Variants in PCDHB11 observed in about 807,000 individuals in gnomAD.
PCDHB11 encodes the protein protocadherin beta-11.
For synonymous variants in PCDHB11, 522 were observed against 442.0 expected (o/e 1.18, Z -2.27); for missense variants, 1,151 against 1,003.4 (o/e 1.15, Z -1.99).
chr5:141,202,223 A>G lies in PCDHB11; in HGVS notation c.*55A>G. On this transcript the variant is annotated 3_prime_UTR_variant, in exon 1 of 1. Transcript: ENST00000354757. ...TTTTTAGTTTTATGTAACCATATCAATATTATTTAGTCTTAAACTAGTTAC... is the reference window on the plus strand; with the variant it reads ...TTTTTAGTTTTATGTAACCATATCAGTATTATTTAGTCTTAAACTAGTTAC... The G allele has an allele frequency of 7.1e-7, 1 of 1,406,330 alleles. No individual in the cohort carries two copies. The highest frequency in any genetic ancestry group is 9.6e-7 in the Non-Finnish European group (1 of 1,040,208). The allele number at this position is 1,406,330 out of a possible 1,614,324, so 87.1% of individuals were successfully genotyped here. A position where few individuals can be genotyped will look rare whatever the true frequency, so the allele number is the denominator to read the frequency against.
At position 141,201,940 on chromosome 5, in the gene PCDHB11, G is replaced by C. The variant is rs1414602680; in HGVS notation, c.2166G>C (p.Val722=). Reference sequence around the variant, plus strand: ...GCAGGAGGAGCAGGGCGGCCTCGGTGGGAAGCTGCTCGGTGCCTAAGGGCC... The same window carrying C: ...GCAGGAGGAGCAGGGCGGCCTCGGTCGGAAGCTGCTCGGTGCCTAAGGGCC... The part of the protein sequence containing the change: ...RLCRRSRAAS[V]GSCSVPKGPF... Residue 722 remains valine, a synonymous_variant, in exon 1 of 1, where the codon GTG becomes GTC. Coordinates refer to ENST00000354757, the MANE Select transcript of PCDHB11 (RefSeq NM_018931.3). The C allele has an allele frequency of 6.2e-7, 1 of 1,613,972 alleles. No homozygotes were observed. Among genetic ancestry groups the C allele is most frequent in the Non-Finnish European group, 8.5e-7 (1 of 1,180,008 alleles).
chr5:141,199,771 A>C lies in PCDHB11; in HGVS notation c.-4A>C. The stretch of plus-strand genomic sequence containing the variant: ...TTCTTCAAGAAGCCTACAAGAAAGG[A>C]ACTATGGAGAACCAAGGGACACGCA... On this transcript the variant is annotated 5_prime_UTR_variant, in exon 1 of 1. Coordinates refer to ENST00000354757, the MANE Select transcript of PCDHB11 (RefSeq NM_018931.3). The C allele has an allele frequency of 6.2e-7, 1 of 1,612,778 alleles. No individual in the cohort carries two copies.
chr5:141,201,657 G>A lies in PCDHB11; in HGVS notation c.1883G>A (p.Arg628Lys). 6.2e-7 allele frequency: 1 copy of A among 1,605,956 alleles called. No homozygotes were observed. Among genetic ancestry groups the A allele is most frequent in the South Asian group, 1.1e-5 (1 of 90,904 alleles). Residue 628 changes from arginine to lysine, a missense_variant, in exon 1 of 1, where the codon AGG becomes AAG. Physicochemically the swap from Arg to Lys is conservative, Grantham distance 26 (BLOSUM62 2). Coordinates refer to ENST00000354757, the MANE Select transcript of PCDHB11 (RefSeq NM_018931.3). ...CACAATGGCGAGGTGCGCACCGCCA[G>A]GCTGCTGAGCGAGCGCGACGCGGCC... is the stretch of plus-strand genomic sequence containing the variant. ...WAHNGEVRTA[R>K]LLSERDAAKH...
chr5:141,202,033 G>A lies in PCDHB11; in HGVS notation c.2259G>A (p.Val753=). Residue 753 remains valine, a synonymous_variant, in exon 1 of 1, where the codon GTG becomes GTA. Transcript: ENST00000354757. ...TTTCCCAGAGCTACCAGTACGAGGTGTGTCTGACGGGAGGTTCCGAGACAA... is the reference window on the plus strand; with the variant it reads ...TTTCCCAGAGCTACCAGTACGAGGTATGTCTGACGGGAGGTTCCGAGACAA... ...GTLSQSYQYE[V]CLTGGSETNE... 1.2e-6 allele frequency: 2 copies of A among 1,614,226 alleles called. No homozygotes were observed. The highest frequency in any genetic ancestry group is 1.7e-6 in the Non-Finnish European group (2 of 1,180,042).
At position 141,202,011 on chromosome 5, in the gene PCDHB11, C is replaced by T. The variant is rs1554285789; in HGVS notation, c.2237C>T (p.Ser746Phe). 7 of 1,614,204 alleles carry T rather than the reference C, an allele frequency of 4.3e-6. No individual in the cohort carries two copies. The highest frequency in any genetic ancestry group is 4.5e-5 in the East Asian group (2 of 44,874). Reference sequence around the variant, plus strand: ...GACGTGAGCGGCACCGGGACCCTTTCCCAGAGCTACCAGTACGAGGTGTGT... The same window carrying T: ...GACGTGAGCGGCACCGGGACCCTTTTCCAGAGCTACCAGTACGAGGTGTGT... Reference protein sequence around the residue: ...LVDVSGTGTLSQSYQYEVCLT... With the variant: ...LVDVSGTGTLFQSYQYEVCLT... The change falls in exon 1 of 1, where the codon TCC (serine) becomes TTC (phenylalanine). Residue 746 changes from serine (S) to phenylalanine (F), a missense_variant. Ser to Phe is a radical substitution (Grantham distance 155). Transcript: ENST00000354757.
At position 141,200,249 on chromosome 5, in the gene PCDHB11, G is replaced by T; in HGVS notation, c.475G>T (p.Asp159Tyr). The T allele has an allele frequency of 1.9e-6, 3 of 1,614,146 alleles. No homozygotes were observed. Among genetic ancestry groups the T allele is most frequent in the Admixed American group, 3.3e-5 (2 of 60,014 alleles). Residue 159 changes from aspartate (D) to tyrosine (Y), a missense_variant, in exon 1 of 1, where the codon GAT (aspartate) becomes TAT (tyrosine). By Grantham distance (160) the Asp-to-Tyr change is radical. Transcript: ENST00000354757. ...GAVFLLESAK[D>Y]LDVGINAVKS... ...TGTGTTCTTACTAGAAAGTGCGAAG[G>T]ATTTAGATGTAGGAATCAATGCTGT...
rs782105398 is a variant in PCDHB11, at chr5:141,200,773, C to G, written c.999C>G (p.Val333=). 1 of 1,614,172 alleles carries G rather than the reference C, an allele frequency of 6.2e-7. No individual in the cohort carries two copies. Among genetic ancestry groups the G allele is most frequent in the Non-Finnish European group, 8.5e-7 (1 of 1,180,032 alleles). The change falls in exon 1 of 1, where the codon GTC becomes GTG. Residue 333 remains valine, a synonymous_variant. Coordinates refer to ENST00000354757, the MANE Select transcript of PCDHB11 (RefSeq NM_018931.3). The part of the protein sequence containing the change: ...DGGGLFGKST[V]IIHVIDVNDN... ...GAGGACTTTTTGGAAAATCTACAGT[C>G]ATAATTCACGTGATAGATGTAAATG...
rs782400280 is a variant in PCDHB11, at chr5:141,200,049, G to C, written c.275G>C (p.Arg92Thr). 1.2e-6 allele frequency: 2 copies of C among 1,614,232 alleles called. No homozygotes were observed. The highest frequency in any genetic ancestry group is 2.7e-5 in the African/African-American group (2 of 75,056). ...TTGCTCTTAAGTGAAACACTAGACA[G>C]GGAGGAGCTCTGCGGTTCCATCGAG... ...GDLLLSETLD[R>T]EELCGSIEPC... is the part of the protein sequence containing the mutation. Residue 92 changes from arginine (R) to threonine (T), a missense_variant, in exon 1 of 1, where the codon AGG becomes ACG. By Grantham distance (71) the Arg-to-Thr change is moderately conservative (BLOSUM62 -1). Transcript: ENST00000354757.
Position 141,200,924 on chromosome 5 carries a change from T to A in PCDHB11, c.1150T>A (p.Ser384Thr), listed in dbSNP as rs1187506095. The change falls in exon 1 of 1, where the codon TCC becomes ACC. Residue 384 changes from serine to threonine, a missense_variant. Transcript: ENST00000354757. Reference sequence around the variant, plus strand: ...TGGGGACAACGGAAGAATTGTTTGTTCCATTCCGGAAGACCTCCCATTCGT... The same window carrying A: ...TGGGGACAACGGAAGAATTGTTTGTACCATTCCGGAAGACCTCCCATTCGT... ...DSGDNGRIVCSIPEDLPFVLK... is the reference protein window; with the variant it reads ...DSGDNGRIVCTIPEDLPFVLK... The A allele has an allele frequency of 6.2e-7, 1 of 1,614,084 alleles. No individual in the cohort carries two copies. Among genetic ancestry groups the A allele is most frequent in the Non-Finnish European group, 8.5e-7 (1 of 1,180,050 alleles).
Position 141,202,321 on chromosome 5 carries a change from A to C in PCDHB11, c.*153A>C. 1.5e-6 allele frequency: 1 copy of C among 660,772 alleles called. No homozygotes were observed. The highest frequency in any genetic ancestry group is 2.4e-6 in the Non-Finnish European group (1 of 421,870). 40.9% of individuals were successfully genotyped at this position (660,772 alleles called of 1,614,324 possible). A position where few individuals can be genotyped will look rare whatever the true frequency, so the allele number is the denominator to read the frequency against. On this transcript the variant is annotated 3_prime_UTR_variant, in exon 1 of 1. Coordinates refer to ENST00000354757, the MANE Select transcript of PCDHB11 (RefSeq NM_018931.3). ...CCCCAATTTTTTTTTTTTTTTTGAG[A>C]CCGAGTCTCATTCTGTCGCCCTGGC... is the stretch of plus-strand genomic sequence containing the variant.
chr5:141,201,390 C>G lies in PCDHB11; in HGVS notation c.1616C>G (p.Pro539Arg). The G allele has an allele frequency of 6.2e-7, 1 of 1,612,416 alleles. No homozygotes were observed. Among genetic ancestry groups the G allele is most frequent in the South Asian group, 1.1e-5 (1 of 90,998 alleles). ...GTGGGCGCCACAGACCGCGGCTCCC[C>G]GGCTTTGAGCAGCGAGGCGCTGGTG... ...FRVGATDRGS[P>R]ALSSEALVRV... The change falls in exon 1 of 1, where the codon CCG becomes CGG. Residue 539 changes from proline (P) to arginine (R), a missense_variant. Pro to Arg is a moderately radical substitution (Grantham distance 103). Coordinates refer to ENST00000354757, the MANE Select transcript of PCDHB11 (RefSeq NM_018931.3).
chr5:141,201,341 GC>G lies in PCDHB11; in HGVS notation c.1570del (p.Leu524CysfsTer18). On this transcript the variant is annotated frameshift_variant, in exon 1 of 1. Transcript: ENST00000354757. LOFTEE classifies it low-confidence loss of function (END_TRUNC). ...CGCCCTCAGGTCGCTGGACTACGAG[GC>G]CCTGCAGGCTTTCGACTTCCGCGTG... ...LFALRSLDYE[A>X]LQAFDFRVGA... 1 of 1,613,384 alleles carries G rather than the reference GC, an allele frequency of 6.2e-7. No individual in the cohort carries two copies. The highest frequency in any genetic ancestry group is 8.5e-7 in the Non-Finnish European group (1 of 1,179,930).
chr5:141,203,073 T>G lies in PCDHB11; in HGVS notation c.*905T>G, dbSNP rs1391014103. On this transcript the variant is annotated 3_prime_UTR_variant, in exon 1 of 1. Transcript: ENST00000354757. ...TCTTATTCTAGAAAACTGACTTTGA[T>G]TTTTCTCTTAGGTTGTTTTGTTTTG... 2.0e-5 allele frequency: 3 copies of G among 152,136 alleles called. No individual in the cohort carries two copies. Among genetic ancestry groups the G allele is most frequent in the Admixed American group, 2.0e-4 (3 of 15,272 alleles). 9.4% of individuals were successfully genotyped at this position (152,136 alleles called of 1,614,324 possible).
chr5:141,200,168 ATCT>A lies in PCDHB11; in HGVS notation c.398_400del (p.Phe133del), dbSNP rs782207284. 2 of 1,614,168 alleles carry A rather than the reference ATCT, an allele frequency of 1.2e-6. No homozygotes were observed. The highest frequency in any genetic ancestry group is 1.7e-6 in the Non-Finnish European group (2 of 1,180,032). On this transcript the variant is annotated inframe_deletion, in exon 1 of 1. Transcript: ENST00000354757. ...CAGGGATATAAATGATCACTCTCCCATCTTCTCGGAAAAACAAATGCTCCTAGA... is the reference window on the plus strand; with the variant it reads ...CAGGGATATAAATGATCACTCTCCCATCTCGGAAAAACAAATGCTCCTAGA...
Position 141,202,745 on chromosome 5 carries a change from G to A in PCDHB11, c.*577G>A, listed in dbSNP as rs1754236437. 6.6e-6 allele frequency: 1 copy of A among 152,028 alleles called. No homozygotes were observed. Among genetic ancestry groups the A allele is most frequent in the Admixed American group, 6.6e-5 (1 of 15,238 alleles). The allele number at this position is 152,028 out of a possible 1,614,324, so 9.4% of individuals were successfully genotyped here. On this transcript the variant is annotated 3_prime_UTR_variant, in exon 1 of 1. Coordinates refer to ENST00000354757, the MANE Select transcript of PCDHB11 (RefSeq NM_018931.3). ...AGCCCACCTCCGCCTCCAAGTAGCTGGGACTACAGGCGTGCGCCACCATGC... is the reference window on the plus strand; with the variant it reads ...AGCCCACCTCCGCCTCCAAGTAGCTAGGACTACAGGCGTGCGCCACCATGC...
Position 141,200,310 on chromosome 5 carries a change from A to G in PCDHB11, c.536A>G (p.His179Arg). 6.2e-7 allele frequency: 1 copy of G among 1,614,170 alleles called. No individual in the cohort carries two copies. ...SYTISPNSHF[H>R]IKMRVIPDNR... The stretch of plus-strand genomic sequence containing the variant: ...ACAATAAGCCCCAACTCTCATTTTC[A>G]CATTAAAATGAGAGTCATTCCAGAC... The change falls in exon 1 of 1, where the codon CAC (histidine) becomes CGC (arginine). Residue 179 changes from histidine (H) to arginine (R), a missense_variant. By Grantham distance (29) the His-to-Arg change is conservative. Coordinates refer to ENST00000354757, the MANE Select transcript of PCDHB11 (RefSeq NM_018931.3).
In PCDHB11 at chr5:141,200,980, G is replaced by A. The variant is rs141874446; in HGVS notation, c.1206G>A (p.Thr402=). The change falls in exon 1 of 1, where the codon ACG becomes ACA. Residue 402 remains threonine (T), a synonymous_variant. Coordinates refer to ENST00000354757, the MANE Select transcript of PCDHB11 (RefSeq NM_018931.3). ...VLKSSVENYY[T]LETERPLDRE... ...AATCTTCAGTTGAGAATTACTACAC[G>A]TTGGAAACAGAGAGACCACTGGACA... 4 of 1,614,152 alleles carry A rather than the reference G, an allele frequency of 2.5e-6. No individual in the cohort carries two copies. The highest frequency in any genetic ancestry group is 3.4e-6 in the Non-Finnish European group (4 of 1,180,028).
Position 141,201,439 on chromosome 5 carries a change from C to A in PCDHB11, c.1665C>A (p.Asn555Lys). 3.1e-6 allele frequency: 5 copies of A among 1,611,532 alleles called. No individual in the cohort carries two copies. The highest frequency in any genetic ancestry group is 1.1e-5 in the South Asian group (1 of 90,942). Reference sequence around the variant, plus strand: ...TGCGCGTGCTGGTGCTGGACGCCAACGACAACTCGCCCTTCGTGCTGTACC... The same window carrying A: ...TGCGCGTGCTGGTGCTGGACGCCAAAGACAACTCGCCCTTCGTGCTGTACC... ...ALVRVLVLDA[N>K]DNSPFVLYPL... Residue 555 changes from asparagine (N) to lysine (K), a missense_variant, in exon 1 of 1, where the codon AAC (asparagine) becomes AAA (lysine). By Grantham distance (94) the Asn-to-Lys change is moderately conservative. Coordinates refer to ENST00000354757, the MANE Select transcript of PCDHB11 (RefSeq NM_018931.3).
chr5:141,199,701 G>A lies in PCDHB11; in HGVS notation c.-74G>A. ...GGGTTAAAATCCTTAGACCACAGAG[G>A]ATTTGGTGGACAAGTCAGAGACGCG... On this transcript the variant is annotated 5_prime_UTR_variant, in exon 1 of 1. Transcript: ENST00000354757. 2 of 1,332,182 alleles carry A rather than the reference G, an allele frequency of 1.5e-6. No individual in the cohort carries two copies. The highest frequency in any genetic ancestry group is 2.1e-6 in the Non-Finnish European group (2 of 958,340). 82.5% of individuals were successfully genotyped at this position (1,332,182 alleles called of 1,614,324 possible).
Sources: allele counts gnomAD v4.1 joint callset, GRCh38; gene constraint gnomAD v4.1.1; transcripts MANE v1.5; gene names NCBI Gene and HGNC (gene_info 2026-07-23, HGNC 2026-07-21).